Variants in THSD7A observed in about 807,000 individuals in gnomAD.
THSD7A encodes the protein thrombospondin type-1 domain-containing protein 7A.
In THSD7A, 96 loss-of-function variants were observed where a neutral mutation model predicts 231.3. The ratio of observed to expected loss-of-function variants is 0.41; its 90% CI spans 0.35 to 0.49. The LOEUF (loss-of-function observed/expected upper bound fraction) is 0.49. Ranked by LOEUF, THSD7A falls within the 20% of genes least tolerant of loss-of-function variation. The pLI, the probability that THSD7A is intolerant of heterozygous loss-of-function variation, is 0.05. For missense variants in THSD7A, 2,290 were observed against 2,070.2 expected (o/e 1.11, Z -2.06); for synonymous variants, 940 against 743.3 (o/e 1.26, Z -4.30).
At chr7:11,565,682 T>C (rs1790280897) in intron 4 of THSD7A, among the ~76,000 whole-genome samples, 1 of 152,240 alleles carries the variant, frequency 6.6e-6, no homozygotes, top group African/African-American at 2.4e-5. Flanking sequence ...TATCTGGCTC[T>C]TGGTTGTCAT....
chr7:11,793,213 T>C (rs1377994753), intron 1 of THSD7A, among the ~76,000 whole-genome samples: 2 of 151,876 alleles, frequency 1.3e-5, no homozygotes, highest in Non-Finnish European at 2.9e-5. Context: ...TATTTCAAGA[T>C]GCCGAAATTT....
At chr7:11,532,384 T>A (rs1788744110) in intron 6 of THSD7A, among the ~76,000 whole-genome samples, 1 of 152,198 alleles carries the variant, frequency 6.6e-6, no homozygotes, top group Non-Finnish European at 1.5e-5. Context: ...AATGAGATGC[T>A]GCTTTAAGAA....
intron 1 of THSD7A, among the ~76,000 whole-genome samples, chr7:11,641,746 C>CTAAAA (rs199724403): frequency 0.011 from 1,709 of 149,092 alleles, 34 homozygotes; most frequent in African/African-American, 0.039. Flanking sequence ...ATGATTGAAC[C>CTAAAA]TAAAATAAAA....
chr7:11,593,638 T>G (rs1238049726), intron 2 of THSD7A, 136 bp from the exon 3 acceptor site: 1 of 1,049,244 alleles, frequency 9.5e-7, no homozygotes, highest in Non-Finnish European at 1.4e-6. Context: ...CGAAAATACA[T>G]CAACATTTAT....
chr7:11,644,138 A>G (rs1562436828), intron 1 of THSD7A, among the ~76,000 whole-genome samples: 1 of 151,650 alleles, frequency 6.6e-6, no homozygotes, highest in Non-Finnish European at 1.5e-5. Context: ...AAGAATTCAC[A>G]ATATCCTTCC....
At chr7:11,657,892 T>A (rs1782768636) in intron 1 of THSD7A, among the ~76,000 whole-genome samples, 1 of 151,778 alleles carries the variant, frequency 6.6e-6, no homozygotes, top group African/African-American at 2.4e-5. Context: ...AGGAAAAGAT[T>A]CTGAATTAAA....
At chr7:11,438,179 C>G (rs1244813001) in intron 13 of THSD7A, among the ~76,000 whole-genome samples, 1 of 151,926 alleles carries the variant, frequency 6.6e-6, no homozygotes, top group Non-Finnish European at 1.5e-5. Flanking sequence ...ATGACACCTG[C>G]TTTGGAATCA....
rs752087704 is a variant in THSD7A at position 11,541,425 on chromosome 7, T to C, written c.1816A>G (p.Ser606Gly). ...TQVQEVVCINSDGEEVDRQLC... is the reference protein window; with the variant it reads ...TQVQEVVCINGDGEEVDRQLC... Reference sequence around the variant, plus strand: ...ATAGATACGTCTGTCTTACCATCACTGTTGATGCACACAACCTCTTGAACT... The same window carrying C: ...ATAGATACGTCTGTCTTACCATCACCGTTGATGCACACAACCTCTTGAACT... The change falls in exon 6 of 28, where the codon AGT becomes GGT. Residue 606 changes from serine to glycine, a missense_variant. Ser to Gly is a moderately conservative substitution (Grantham distance 56). Transcript: ENST00000423059. 2 of 1,613,962 alleles carry C rather than the reference T, an allele frequency of 1.2e-6. No homozygotes were observed. The highest frequency in any genetic ancestry group is 1.1e-5 in the South Asian group (1 of 91,086).
chr7:11,671,427 T>C (rs1398484449), intron 1 of THSD7A, among the ~76,000 whole-genome samples: 7 of 152,212 alleles, frequency 4.6e-5, no homozygotes, highest in African/African-American at 1.7e-4. Flanking sequence ...AATGATTTTA[T>C]AGGCATGTGT....
intron 1 of THSD7A, among the ~76,000 whole-genome samples, chr7:11,653,510 C>T (rs1302111032): frequency 1.5e-5 from 2 of 136,922 alleles, no homozygotes; most frequent in Non-Finnish European, 3.1e-5. Context: ...TCCCCAGAGA[C>T]AGAGTCTTGC....
intron 1 of THSD7A, among the ~76,000 whole-genome samples, chr7:11,727,249 C>T (rs1209579442): frequency 1.3e-5 from 2 of 151,934 alleles, no homozygotes; most frequent in Non-Finnish European, 2.9e-5. Flanking sequence ...TTTTGACTCT[C>T]TTAAACCTCT....
At chr7:11,525,717 C>A (rs1788443987) in intron 6 of THSD7A, among the ~76,000 whole-genome samples, 1 of 152,006 alleles carries the variant, frequency 6.6e-6, no homozygotes, top group African/African-American at 2.4e-5. Context: ...AGAGATGCTA[C>A]AACATAAAGA....
At chr7:11,463,952 A>G (rs1785600437) in intron 9 of THSD7A, among the ~76,000 whole-genome samples, 1 of 152,134 alleles carries the variant, frequency 6.6e-6, no homozygotes. Context: ...TCTGTAAAGA[A>G]TCCATTGTAC....
At chr7:11,415,345 T>C (rs1202114980) in intron 17 of THSD7A, among the ~76,000 whole-genome samples, 3 of 152,218 alleles carry the variant, frequency 2.0e-5, no homozygotes, top group Non-Finnish European at 2.9e-5. Flanking sequence ...CTTGCTCCCA[T>C]AGAAGATTCA....
At chr7:11,552,456 A>G (rs531905671) in intron 4 of THSD7A, among the ~76,000 whole-genome samples, 102 of 152,268 alleles carry the variant, frequency 6.7e-4, no homozygotes, top group African/African-American at 2.4e-3. Context: ...TTTTCAATAA[A>G]TTAAATAGAA....
In THSD7A at chr7:11,412,749, G is replaced by C. The variant is rs1376144564; in HGVS notation, c.3589C>G (p.Pro1197Ala). The C allele has an allele frequency of 6.2e-7, 1 of 1,613,572 alleles. No homozygotes were observed. The highest frequency in any genetic ancestry group is 8.5e-7 in the Non-Finnish European group (1 of 1,179,702). Residue 1197 changes from proline to alanine, a missense_variant, in exon 18 of 28, where the codon CCA becomes GCA. Pro to Ala is a conservative substitution (Grantham distance 27, BLOSUM62 -1). Coordinates refer to ENST00000423059, the MANE Select transcript of THSD7A (RefSeq NM_015204.3). The part of the protein sequence containing the change: ...RQRSADPIRQ[P>A]ADEGRSCPNA... ...GGGCAAGATCTTCCTTCATCAGCTG[G>C]TTGTCTGATGGGATCAGCTGACCTT...
chr7:11,590,563 G>T lies in THSD7A; in HGVS notation c.1350C>A (p.Asn450Lys). 1 of 1,613,856 alleles carries T rather than the reference G, an allele frequency of 6.2e-7. No individual in the cohort carries two copies. The highest frequency in any genetic ancestry group is 8.5e-7 in the Non-Finnish European group (1 of 1,179,826). The stretch of plus-strand genomic sequence containing the variant: ...TGCCCCCTCCACAGAGGGCCGTCTG[G>T]TTGCCGCGCCTCTTGTCCTGCTGAC... ...LLSQQDKRRG[N>K]QTALCGGGIQ... The change falls in exon 4 of 28, where the codon AAC becomes AAA. Residue 450 changes from asparagine to lysine, a missense_variant. Transcript: ENST00000423059. The surrounding 1 kb of genome is among the most constrained non-coding windows in gnomAD (Gnocchi z 4.4).
At chr7:11,466,056 T>C (rs1325370198) in intron 9 of THSD7A, among the ~76,000 whole-genome samples, 3 of 152,290 alleles carry the variant, frequency 2.0e-5, no homozygotes, top group Non-Finnish European at 2.9e-5. Flanking sequence ...AACAACTCTT[T>C]TAGTTCTTCC....
chr7:11,748,983 G>A (rs1002557893), intron 1 of THSD7A, among the ~76,000 whole-genome samples: 6 of 151,858 alleles, frequency 4.0e-5, no homozygotes, highest in East Asian at 1.9e-4. Flanking sequence ...GCGGGGAGGG[G>A]AGCAGCTCCT....
Sources: gnomAD v4.1 joint callset for allele counts (sites outside exome capture counted in the v4.1 genomes callset) on GRCh38, gnomAD v4.1.1 for gene constraint, Gnocchi (gnomAD v3.1) non-coding constraint, MANE v1.5 for transcripts, NCBI Gene and HGNC (gene_info 2026-07-23, HGNC 2026-07-21) for gene names.